The following ATXN2 variants were observed in gnomAD, a reference collection of about 807,000 sequenced individuals.
ATXN2 encodes the protein ataxin-2.
ATXN2 carries 37 observed loss-of-function variants against 138.6 expected under a neutral mutation model. That is an observed-to-expected ratio of 0.27 (90% CI 0.21 to 0.35). The LOEUF is 0.35. ATXN2 is among the 10% of genes least tolerant of loss of function. The pLI is 1.00. For missense variants in ATXN2, 1,216 were observed against 1,480.3 expected, an observed-to-expected ratio of 0.82 and a Z score of 2.93; for synonymous variants, 549 against 543.7, an observed-to-expected ratio of 1.01 and a Z score of -0.13.
At chr12:111,544,448 T>C in intron 5 of ATXN2, among the ~76,000 whole-genome samples, 1 of 152,166 alleles carries the variant, frequency 6.6e-6, no homozygotes, top group East Asian at 1.9e-4. Flanking sequence ...ACCATGAGAA[T>C]AAATAATAAA....
Position 111,598,756 on chromosome 12 carries a change from C to A in ATXN2, c.251+28G>T, listed in dbSNP as rs1395912826. 7 of 1,190,290 alleles carry A rather than the reference C, an allele frequency of 5.9e-6. No homozygotes were observed. Among genetic ancestry groups the A allele is most frequent in the Non-Finnish European group, 4.2e-6 (4 of 961,776 alleles). 73.7% of individuals were successfully genotyped at this position (1,190,290 alleles called of 1,614,324 possible). A position where few individuals can be genotyped will look rare whatever the true frequency, so the allele number is the denominator to read the frequency against. ...GGGGGAGGGGACGCCGGGCCCGGAG[C>A]GGAGGGGGCTGGGGTGCCGACACCC... On this transcript the variant is annotated intron_variant, in intron 1 of 24. Transcript: ENST00000673436. This position sits in a 1 kb window ranked among gnomAD's most constrained non-coding sequence, Gnocchi z 4.5.
At chr12:111,590,075 G>A (rs1365955136) in intron 1 of ATXN2, among the ~76,000 whole-genome samples, 3 of 149,488 alleles carry the variant, frequency 2.0e-5, no homozygotes, top group South Asian at 2.1e-4. Flanking sequence ...TTTGCCAGGT[G>A]TAGTGGTGCA....
intron 18 of ATXN2, among the ~76,000 whole-genome samples, chr12:111,483,449 ACTC>A (rs1877403588): frequency 7.6e-6 from 1 of 131,662 alleles, no homozygotes; most frequent in South Asian, 2.5e-4. Flanking sequence ...CATTAAAAGA[ACTC>A]TTTTTTTTTT....
upstream of ATXN2, chr12:111,599,667 T>C (rs530551464): frequency 1.2e-3 from 1,318 of 1,058,018 alleles, 3 homozygotes; most frequent in Middle Eastern, 0.012. Flanking sequence ...TGGGTTGCTT[T>C]CTCGGGGGTC....
At chr12:111,593,158 CTGCAACCTCCGCACTCAT>C (rs934438755) in intron 1 of ATXN2, among the ~76,000 whole-genome samples, 2 of 152,050 alleles carry the variant, frequency 1.3e-5, no homozygotes, top group African/African-American at 4.8e-5. Context: ...TCTCAGCTCA[CTGCAACCTCCGCACTCAT>C]TGCAACCTCC....
At chr12:111,578,031 T>G (rs1437000612) in intron 1 of ATXN2, among the ~76,000 whole-genome samples, 1 of 151,732 alleles carries the variant, frequency 6.6e-6, no homozygotes, top group Non-Finnish European at 1.5e-5. Flanking sequence ...CCCCCGTCTC[T>G]ACTAAAAATA....
rs1330150641 is a variant in ATXN2 at position 111,598,943 on chromosome 12, G to GGCGGCGGCT, written c.83_91dup (p.Gln28_Pro30dup). 1.5e-5 allele frequency: 22 copies of GGCGGCGGCT among 1,427,906 alleles called. No homozygotes were observed. The East Asian group carries it at 5.0e-4, about 32-fold the overall frequency. 88.5% of individuals were successfully genotyped at this position (1,427,906 alleles called of 1,614,324 possible). A position where few individuals can be genotyped will look rare whatever the true frequency, so the allele number is the denominator to read the frequency against. ...GGGCTTGCGGACATTGGCAGCCGCG[G>GGCGGCGGCT]GCGGCGGCTGCTGCTGCTGCTGCTG... On this transcript the variant is annotated inframe_insertion, in exon 1 of 25. Coordinates refer to ENST00000673436, the MANE Select transcript of ATXN2 (RefSeq NM_001372574.1). This position sits in a 1 kb window ranked among gnomAD's most constrained non-coding sequence, Gnocchi z 4.5.
intron 18 of ATXN2, among the ~76,000 whole-genome samples, chr12:111,480,111 G>A (rs1288778062): frequency 6.6e-6 from 1 of 151,756 alleles, no homozygotes; most frequent in African/African-American, 2.4e-5. Context: ...TGGAGCTAGT[G>A]GTAATAAAGT....
At chr12:111,581,458 A>G in intron 1 of ATXN2, 1 of 876,270 alleles carries the variant, frequency 1.1e-6, no homozygotes, top group Non-Finnish European at 1.9e-6. Flanking sequence ...AGGAGGAGCA[A>G]GAGGTGGCTG....
intron 11 of ATXN2, chr12:111,512,329 T>G (rs559312086): frequency 1.3e-5 from 2 of 152,532 alleles, no homozygotes; most frequent in South Asian, 2.1e-4. Flanking sequence ...TTGTTTGTTT[T>G]AAGTATTCTT....
rs565873488 is a variant in ATXN2 at position 111,548,995 on chromosome 12, C to T, written c.571+3285G>A. 3.9e-5 allele frequency among the ~76,000 whole-genome samples: 6 copies of T among 152,214 alleles called. No individual in the cohort carries two copies. The South Asian group carries it at 1.2e-3, about 32-fold the overall frequency. On this transcript the variant is annotated intron_variant, in intron 5 of 24. Coordinates refer to ENST00000673436, the MANE Select transcript of ATXN2 (RefSeq NM_001372574.1). ...ACCTTGGTCTCCCAAAGTGAGATTA[C>T]AGGAGTGAGCCACCGCACCTGGCCT...
Position 111,470,410 on chromosome 12 carries a change from C to A in ATXN2, c.2709+148G>T, listed in dbSNP as rs559624801. The A allele has an allele frequency of 4.4e-6, 5 of 1,143,628 alleles. No homozygotes were observed. In the South Asian group the frequency reaches 8.1e-5, roughly 19 times the overall value. The allele number at this position is 1,143,628 out of a possible 1,614,324, so 70.8% of individuals were successfully genotyped here. On this transcript the variant is annotated intron_variant, in intron 19 of 24. Transcript: ENST00000673436. ...ACCTCTTACAATCATCAGTAACCTT[C>A]GAATATATATTGAAAAGGGTCCCCA...
rs748434793 is a variant in ATXN2 at position 111,470,823 on chromosome 12, G to C, written c.2525-81C>G. The C allele has an allele frequency of 4.1e-6, 6 of 1,447,698 alleles. No individual in the cohort carries two copies. The South Asian group carries it at 7.4e-5, about 18-fold the overall frequency. The allele number at this position is 1,447,698 out of a possible 1,614,324, so 89.7% of individuals were successfully genotyped here. The stretch of plus-strand genomic sequence containing the variant: ...GTGTTCACATGGTCTAGGAGGCTCT[G>C]AATGATTTGACCCTGAATCTGCGTC... On this transcript the variant is annotated intron_variant, in intron 18 of 24. Transcript: ENST00000673436.
chr12:111,598,490 G>T lies in ATXN2; in HGVS notation c.251+294C>A. On this transcript the variant is annotated intron_variant, in intron 1 of 24. Transcript: ENST00000673436. This position sits in a 1 kb window ranked among gnomAD's most constrained non-coding sequence, Gnocchi z 4.5. ...GGGGCTGACCATCGCCGCTACCCGA[G>T]AACCCCTCCCAACACGCGTGGGGAG... is the stretch of plus-strand genomic sequence containing the variant. 8 of 985,142 alleles carry T rather than the reference G, an allele frequency of 8.1e-6. No homozygotes were observed. Among genetic ancestry groups the T allele is most frequent in the Non-Finnish European group, 9.6e-6 (8 of 829,874 alleles). The allele number at this position is 985,142 out of a possible 1,614,324, so 61.0% of individuals were successfully genotyped here.
intron 5 of ATXN2, among the ~76,000 whole-genome samples, chr12:111,543,413 A>G (rs192104750): frequency 4.4e-4 from 67 of 152,210 alleles, no homozygotes; most frequent in African/African-American, 1.6e-3. Context: ...ACTTCTTCCA[A>G]CTACTAAAAT....
intron 1 of ATXN2, chr12:111,597,701 T>TA (rs1250927824): frequency 1.7e-5 from 9 of 533,134 alleles, no homozygotes; most frequent in Non-Finnish European, 3.0e-5. Context: ...CCCCAGCCCC[T>TA]ACTACAACCC....
rs555574967 is a variant in ATXN2, at chr12:111,506,855, G to A, written c.1935+2694C>T. On this transcript the variant is annotated intron_variant, in intron 14 of 24. Coordinates refer to ENST00000673436, the MANE Select transcript of ATXN2 (RefSeq NM_001372574.1). ...GTTTTCGTATTTTTTTGGTGGAGAC[G>A]GGGTTTCGCTGTGTTGGCCGGGCTG... Among the ~76,000 whole-genome samples, 404 of 152,184 alleles carry A rather than the reference G, an allele frequency of 2.7e-3. 14 individuals are homozygous for A. Among genetic ancestry groups the A allele is most frequent in the Admixed American group, 0.024 (363 of 15,290 alleles).
Position 111,453,017 on chromosome 12 carries a change from G to T in ATXN2, c.3440-177C>A. 7.6e-7 allele frequency: 1 copy of T among 1,308,784 alleles called. No individual in the cohort carries two copies. The highest frequency in any genetic ancestry group is 9.7e-7 in the Non-Finnish European group (1 of 1,030,296). The allele number at this position is 1,308,784 out of a possible 1,614,324, so 81.1% of individuals were successfully genotyped here. On this transcript the variant is annotated intron_variant, in intron 24 of 24. Coordinates refer to ENST00000673436, the MANE Select transcript of ATXN2 (RefSeq NM_001372574.1). This position sits in a 1 kb window ranked among gnomAD's most constrained non-coding sequence, Gnocchi z 5.4. ...GTGGGGAGGGTTGGGTGGGTGGGTA[G>T]AAACAAACCAGTCAGACGTAAAACC...
Position 111,553,604 on chromosome 12 carries a change from A to ATTTTTTTTTTTTTTT in ATXN2, c.348+553_348+554insAAAAAAAAAAAAAAA, listed in dbSNP as rs745560171. Among the ~76,000 whole-genome samples, 57 of 85,000 alleles carry ATTTTTTTTTTTTTTT rather than the reference A, an allele frequency of 6.7e-4. 6 individuals carry two copies. Among genetic ancestry groups the ATTTTTTTTTTTTTTT allele is most frequent in the African/African-American group, 4.2e-3 (56 of 13,250 alleles). The allele number at this position is 85,000 out of a possible 152,430, so 55.8% of individuals were successfully genotyped here. On this transcript the variant is annotated intron_variant, in intron 3 of 24. Coordinates refer to ENST00000673436, the MANE Select transcript of ATXN2 (RefSeq NM_001372574.1). ...AAAAAAAAAAAAAAAAAAAAAAAAA[A>ATTTTTTTTTTTTTTT]TTTTTTTTTTTGAGAAGGGGTCTGT...
Sources: allele counts gnomAD v4.1 joint callset (sites outside exome capture counted in the v4.1 genomes callset), GRCh38; gene constraint gnomAD v4.1.1; non-coding constraint Gnocchi (gnomAD v3.1); transcripts MANE v1.5; gene names NCBI Gene and HGNC (gene_info 2026-07-23, HGNC 2026-07-21).